The following INTS6L variants were observed in gnomAD, a reference collection of about 807,000 sequenced individuals.
The protein encoded by INTS6L is integrator complex subunit 6 like, also known as integrator complex subunit 6-like.
Under a neutral mutation model 64.7 loss-of-function variants are expected in INTS6L, and 18 were observed. The observed-to-expected ratio is 0.28, with a 90% CI of 0.19 to 0.41. The LOEUF is 0.41. INTS6L is among the 10% of genes least tolerant of loss of function. INTS6L has a pLI of 1.00. For synonymous variants in INTS6L, 227 were observed against 235.9 expected (o/e 0.96, Z 0.34); for missense variants, 533 against 661.0 (o/e 0.81, Z 2.12).
chrX:135,577,019 T>C (rs781821433), intron 14 of INTS6L, among the ~76,000 whole-genome samples, 174 bp from the exon 15 acceptor site: 1 of 111,081 alleles, frequency 9.0e-6, no homozygotes, highest in East Asian at 2.8e-4. Flanking sequence ...CTTCGGCCCA[T>C]GATTAAGGTT....
At chrX:135,549,491 G>A (rs2086443560) in intron 6 of INTS6L, 151 bp from the exon 7 acceptor site, 6 of 629,913 alleles carry the variant, frequency 9.5e-6, no homozygotes, top group Non-Finnish European at 1.5e-5. Flanking sequence ...AGAAATCCTA[G>A]TAGAGTCACT....
intron 2 of INTS6L, among the ~76,000 whole-genome samples, chrX:135,537,461 A>G (rs1321263735): frequency 1.8e-5 from 2 of 112,073 alleles, no homozygotes; most frequent in Admixed American, 1.9e-4. Context: ...GAACGTATAG[A>G]ATTATAGGAT....
chrX:135,553,576 G>A (rs1198342417), intron 8 of INTS6L, among the ~76,000 whole-genome samples: 1 of 105,487 alleles, frequency 9.5e-6, no homozygotes, highest in Admixed American at 1.0e-4. Flanking sequence ...CTCCCACCTC[G>A]GCTTCCCAGA....
At chrX:135,573,147 A>T in intron 12 of INTS6L, 114 bp downstream of exon 12, 1 of 618,601 alleles carries the variant, frequency 1.6e-6, no homozygotes, top group Admixed American at 3.5e-5. Context: ...GTTAGTAGTT[A>T]ATAATGGACC....
intron 11 of INTS6L, chrX:135,571,827 G>A (rs1042671769): frequency 1.8e-5 from 2 of 111,490 alleles, no homozygotes; most frequent in Non-Finnish European, 3.8e-5. Flanking sequence ...CAAGTTCTGG[G>A]ACCTTTTGGG....
At chrX:135,538,431 A>G (rs1262207573) in intron 2 of INTS6L, among the ~76,000 whole-genome samples, 1 of 112,219 alleles carries the variant, frequency 8.9e-6, no homozygotes, top group African/African-American at 3.2e-5. Flanking sequence ...TTCTAAATCT[A>G]GTTCTCATGC....
intron 2 of INTS6L, among the ~76,000 whole-genome samples, chrX:135,521,758 G>GGCCGCGGC (rs201041697): frequency 9.5e-6 from 1 of 105,722 alleles, no homozygotes; most frequent in Non-Finnish European, 2.0e-5. Flanking sequence ...GGGTCGCCGC[G>GGCCGCGGC]CGGGGGGCCG....
At chrX:135,536,170 A>T (rs1411694424) in intron 2 of INTS6L, among the ~76,000 whole-genome samples, 1 of 112,218 alleles carries the variant, frequency 8.9e-6, no homozygotes, top group Non-Finnish European at 1.9e-5. Flanking sequence ...AAGTTTTGTC[A>T]CTGCTGTGTG....
At chrX:135,561,782 T>C (rs1328426602) in intron 9 of INTS6L, among the ~76,000 whole-genome samples, 1 of 111,951 alleles carries the variant, frequency 8.9e-6, no homozygotes, top group African/African-American at 3.2e-5. Flanking sequence ...TCAGTCCATT[T>C]GTCCATTTTA....
At chrX:135,538,780 T>TA (rs2086120260) in intron 2 of INTS6L, among the ~76,000 whole-genome samples, 1 of 112,549 alleles carries the variant, frequency 8.9e-6, no homozygotes, top group Admixed American at 9.4e-5. Flanking sequence ...GATGTTGTGT[T>TA]AGCAGGCATG....
intron 6 of INTS6L, among the ~76,000 whole-genome samples, chrX:135,547,968 T>C (rs2086399050): frequency 9.0e-6 from 1 of 110,674 alleles, no homozygotes; most frequent in South Asian, 3.8e-4. Context: ...GGCAACGCAT[T>C]GCAAGACTTC....
chrX:135,539,863 A>G (rs1556511784), intron 2 of INTS6L, among the ~76,000 whole-genome samples: 1 of 111,588 alleles, frequency 9.0e-6, no homozygotes, highest in African/African-American at 3.3e-5. Flanking sequence ...ACATTTATCG[A>G]TTAAGTTCAC....
rs1318354609 is a variant in INTS6L at position 135,578,631 on chromosome X, A to G, written c.2120-1157A>G. Reference sequence around the variant, plus strand: ...TACCCAGCGGTTCAGCTGACAAACCATAGAGTCATCATGATTTTTCTCTTA... The same window carrying G: ...TACCCAGCGGTTCAGCTGACAAACCGTAGAGTCATCATGATTTTTCTCTTA... On this transcript the variant is annotated intron_variant, in intron 15 of 17. Coordinates refer to ENST00000639893, the MANE Select transcript of INTS6L (RefSeq NM_001351601.3). Among the ~76,000 whole-genome samples, 3 of 111,340 alleles carry G rather than the reference A, an allele frequency of 2.7e-5. No homozygotes were observed. The Admixed American group carries it at 2.9e-4, about 11-fold the overall frequency.
intron 16 of INTS6L, among the ~76,000 whole-genome samples, chrX:135,580,394 A>G (rs1259919468): frequency 8.9e-6 from 1 of 112,719 alleles, no homozygotes; most frequent in Non-Finnish European, 1.9e-5. Context: ...TTATCAAAAG[A>G]TTCCTAGCTT....
At chrX:135,555,630 A>G (rs1348182008) in intron 8 of INTS6L, among the ~76,000 whole-genome samples, 6 of 112,203 alleles carry the variant, frequency 5.3e-5, no homozygotes, top group African/African-American at 1.9e-4. Flanking sequence ...TGGTTGTTGC[A>G]TAGTATAGTT....
At chrX:135,561,486 G>T (rs1481825262) in intron 9 of INTS6L, among the ~76,000 whole-genome samples, 3 of 111,745 alleles carry the variant, frequency 2.7e-5, no homozygotes, top group Admixed American at 1.9e-4. Flanking sequence ...TTGGCCTGTA[G>T]TTTTCTTTTT....
chrX:135,521,745 C>T (rs1184901063), intron 2 of INTS6L, among the ~76,000 whole-genome samples: 55 of 168 alleles, frequency 0.33, 1 homozygote, highest in Admixed American at 0.52. Flanking sequence ...GCGCACCGCG[C>T]GAGGGTCGCC....
chrX:135,522,018 C>A (rs1324787329), intron 2 of INTS6L, among the ~76,000 whole-genome samples: 1 of 111,434 alleles, frequency 9.0e-6, no homozygotes, highest in Admixed American at 9.4e-5. Context: ...CCTCTCACCA[C>A]CCCCGCGCAA....
chrX:135,532,514 G>A lies in INTS6L; in HGVS notation c.189+11196G>A, dbSNP rs147075238. On this transcript the variant is annotated intron_variant, in intron 2 of 17. Transcript: ENST00000639893. ...CTACTGTCATGTAATATGGCAAACT[G>A]TATCATTGTCACTTCAGTAGCTCTG... Among the ~76,000 whole-genome samples the A allele has an allele frequency of 6.7e-3, 752 of 112,065 alleles. 5 individuals are homozygous for A. Among genetic ancestry groups the A allele is most frequent in the African/African-American group, 0.022 (682 of 30,831 alleles).
Sources: gnomAD v4.1 joint callset for allele counts (sites outside exome capture counted in the v4.1 genomes callset) on GRCh38, gnomAD v4.1.1 for gene constraint, MANE v1.5 for transcripts, NCBI Gene and HGNC (gene_info 2026-07-23, HGNC 2026-07-21) for gene names.